The following DENND2A variants were observed in gnomAD, a reference collection of about 807,000 sequenced individuals.
DENND2A encodes the protein DENN domain containing 2A.
Under a neutral mutation model 105.3 loss-of-function variants are expected in DENND2A, and 53 were observed. That is an observed-to-expected ratio of 0.50 (90% confidence interval 0.40 to 0.63). The LOEUF (loss-of-function observed/expected upper bound fraction) is 0.63, where lower values mean the gene tolerates loss of function less well. Ranked by LOEUF, DENND2A falls within the 30% of genes least tolerant of loss-of-function variation. The probability of loss-of-function intolerance (pLI) is 0.00; values close to 1 mark genes in which losing one functional copy is unlikely to be tolerated. For missense variants in DENND2A, 1,138 were observed against 1,279.6 expected (o/e 0.89, Z 1.69); for synonymous variants, 522 against 508.4 (o/e 1.03, Z -0.36).
chr7:140,583,456 G>C (rs1392930244), intron 5 of DENND2A, among the ~76,000 whole-genome samples: 3 of 150,226 alleles, frequency 2.0e-5, no homozygotes, highest in Admixed American at 1.3e-4. Context: ...GGGCCTCAGA[G>C]GATGGGGAGA....
intron 9 of DENND2A, among the ~76,000 whole-genome samples, chr7:140,562,141 G>T (rs1203345797): frequency 2.0e-5 from 3 of 151,882 alleles, no homozygotes; most frequent in African/African-American, 7.2e-5. Context: ...CCCTGACTTG[G>T]CCTCCCAAAG....
intron 12 of DENND2A, among the ~76,000 whole-genome samples, chr7:140,553,710 T>A (rs531667442): frequency 6.6e-6 from 1 of 152,346 alleles, no homozygotes; most frequent in African/African-American, 2.4e-5. Context: ...TTAACGAGCA[T>A]GCTGCCTTCA....
At chr7:140,571,286 G>A (rs1357376870) in intron 6 of DENND2A, among the ~76,000 whole-genome samples, 2 of 152,050 alleles carry the variant, frequency 1.3e-5, no homozygotes, top group African/African-American at 4.8e-5. Context: ...AGCCTCCCAA[G>A]TAGCTGGGAT....
At chr7:140,558,377 G>A (rs2130566771) in intron 10 of DENND2A, among the ~76,000 whole-genome samples, 165 bp from the exon 11 acceptor site, 1 of 152,296 alleles carries the variant, frequency 6.6e-6, no homozygotes, top group Non-Finnish European at 1.5e-5. Flanking sequence ...TGAGACACTG[G>A]TCACCCATAG....
chr7:140,593,721 C>G (rs962108045), intron 3 of DENND2A, among the ~76,000 whole-genome samples: 1 of 152,026 alleles, frequency 6.6e-6, no homozygotes, highest in Admixed American at 6.6e-5. Context: ...CTAGTTAACC[C>G]AAGTTTTACC....
chr7:140,604,796 C>T (rs1799633600), intron 2 of DENND2A, among the ~76,000 whole-genome samples: 1 of 152,160 alleles, frequency 6.6e-6, no homozygotes, highest in African/African-American at 2.4e-5. Flanking sequence ...TAGACTGAAA[C>T]TCTATGAGTC....
At chr7:140,556,346 A>G (rs1797362223) in intron 11 of DENND2A, among the ~76,000 whole-genome samples, 1 of 150,788 alleles carries the variant, frequency 6.6e-6, no homozygotes, top group Non-Finnish European at 1.5e-5. Context: ...ATTTTTATTT[A>G]TTTATTTTTG....
chr7:140,639,568 AG>A, intron 1 of DENND2A, among the ~76,000 whole-genome samples: 1 of 152,262 alleles, frequency 6.6e-6, no homozygotes. Context: ...TGTAAGGAGA[AG>A]GGATTTCTTT....
intron 12 of DENND2A, among the ~76,000 whole-genome samples, chr7:140,552,967 A>G (rs896175852): frequency 1.3e-5 from 2 of 152,140 alleles, no homozygotes; most frequent in Non-Finnish European, 2.9e-5. Flanking sequence ...GCTTTTTTAT[A>G]GAAATGCTTT....
chr7:140,625,090 C>T (rs269231), intron 1 of DENND2A, among the ~76,000 whole-genome samples: 5,874 of 152,096 alleles, frequency 0.039, 343 homozygotes, highest in African/African-American at 0.13. Flanking sequence ...TAACATTAGC[C>T]ATGAGGCCAG....
At chr7:140,557,771 C>T (rs958453759) in intron 11 of DENND2A, among the ~76,000 whole-genome samples, 1 of 150,466 alleles carries the variant, frequency 6.6e-6, no homozygotes, top group Admixed American at 6.7e-5. Flanking sequence ...ATCTCCTGAC[C>T]TCGTGATCCG....
intron 14 of DENND2A, among the ~76,000 whole-genome samples, chr7:140,542,565 CTTTTT>C (rs771623397): frequency 4.5e-5 from 5 of 111,984 alleles, no homozygotes; most frequent in African/African-American, 1.8e-4. Flanking sequence ...TTTTCTCTCT[CTTTTT>C]TTTTTTTTTT....
intron 9 of DENND2A, among the ~76,000 whole-genome samples, chr7:140,564,661 C>A (rs1585643781): frequency 6.6e-6 from 1 of 152,086 alleles, no homozygotes; most frequent in African/African-American, 2.4e-5. Flanking sequence ...GAATGTGCAA[C>A]TTTACTCTAG....
At chr7:140,607,696 C>T (rs761748497) in intron 1 of DENND2A, among the ~76,000 whole-genome samples, 1 of 152,170 alleles carries the variant, frequency 6.6e-6, no homozygotes, top group Non-Finnish European at 1.5e-5. Flanking sequence ...TGGCTGGGCC[C>T]ACAGACACTA....
intron 16 of DENND2A, 57 bp downstream of exon 16, chr7:140,525,694 C>G: frequency 6.6e-7 from 1 of 1,504,314 alleles, no homozygotes; most frequent in Non-Finnish European, 9.0e-7. Context: ...AGCTGAGCCC[C>G]AAACAACAAA....
intron 3 of DENND2A, among the ~76,000 whole-genome samples, chr7:140,591,140 T>C (rs1799000383): frequency 6.6e-6 from 1 of 151,464 alleles, no homozygotes; most frequent in Admixed American, 6.6e-5. Flanking sequence ...CTATAAAAGA[T>C]ACAAAAATTA....
intron 5 of DENND2A, among the ~76,000 whole-genome samples, chr7:140,577,547 G>A (rs1164868229): frequency 6.6e-6 from 1 of 152,020 alleles, no homozygotes; most frequent in South Asian, 2.1e-4. Context: ...ACAGGCGAGT[G>A]CCACCACGCC....
chr7:140,583,874 C>A (rs541696547), intron 5 of DENND2A, among the ~76,000 whole-genome samples: 1 of 142,974 alleles, frequency 7.0e-6, no homozygotes, highest in Non-Finnish European at 1.5e-5. Flanking sequence ...TGCAGTGAGC[C>A]AAGATCGTGC....
intron 1 of DENND2A, among the ~76,000 whole-genome samples, chr7:140,639,118 G>C (rs751823346): frequency 6.6e-6 from 1 of 151,892 alleles, no homozygotes; most frequent in Non-Finnish European, 1.5e-5. Context: ...TTGCGAGGCC[G>C]AGGCGGGCAG....
Sources: allele counts gnomAD v4.1 joint callset (sites outside exome capture counted in the v4.1 genomes callset), GRCh38; gene constraint gnomAD v4.1.1; transcripts MANE v1.5; gene names NCBI Gene and HGNC (gene_info 2026-07-23, HGNC 2026-07-21).